The following USP9X variants were observed in gnomAD, a reference collection of about 807,000 sequenced individuals.
The protein encoded by USP9X is ubiquitin specific peptidase 9 X-linked.
USP9X carries 7 observed loss-of-function variants against 190.3 expected under a neutral mutation model. The ratio of observed to expected loss-of-function variants is 0.04; its 90% CI spans 0.02 to 0.07. The LOEUF (loss-of-function observed/expected upper bound fraction) is 0.07, where lower values mean the gene tolerates loss of function less well. Among genes scored for constraint, USP9X ranks in the 10% least tolerant of loss-of-function variants. The pLI is 1.00. For missense variants in USP9X, 1,010 were observed against 1,916.9 expected (o/e 0.53, Z 8.83); for synonymous variants, 645 against 659.5 (o/e 0.98, Z 0.34).
intron 32 of USP9X, among the ~76,000 whole-genome samples, chrX:41,209,000 G>A (rs772323443): frequency 6.3e-5 from 7 of 111,415 alleles, no homozygotes; most frequent in African/African-American, 1.6e-4. Context: ...GAGCCACCGC[G>A]CCCGGCCTTT....
chrX:41,094,201 A>C (rs1007827895), intron 1 of USP9X, among the ~76,000 whole-genome samples: 1 of 102,866 alleles, frequency 9.7e-6, no homozygotes, highest in Non-Finnish European at 2.0e-5. Flanking sequence ...TTTGAAATGG[A>C]GTTTCACTCT....
intron 1 of USP9X, among the ~76,000 whole-genome samples, chrX:41,102,539 C>G (rs1247549653): frequency 9.0e-6 from 1 of 111,670 alleles, no homozygotes; most frequent in Non-Finnish European, 1.9e-5. Context: ...ACGAGAATTG[C>G]TTGAGCCCAG....
At chrX:41,095,043 CAAAAAA>C (rs35922180) in intron 1 of USP9X, among the ~76,000 whole-genome samples, 16 of 70,812 alleles carry the variant, frequency 2.3e-4, no homozygotes, top group African/African-American at 7.7e-4. Flanking sequence ...GACTCCGTCT[CAAAAAA>C]AAAAAAAAAA....
At chrX:41,088,468 C>T (rs754231100) in intron 1 of USP9X, among the ~76,000 whole-genome samples, 2 of 112,438 alleles carry the variant, frequency 1.8e-5, no homozygotes, top group African/African-American at 6.5e-5. Flanking sequence ...CAACAAGTGT[C>T]TTTGAGCTTA....
intron 9 of USP9X, among the ~76,000 whole-genome samples, chrX:41,142,835 A>G (rs1389002566): frequency 8.9e-6 from 1 of 112,038 alleles, no homozygotes; most frequent in Non-Finnish European, 1.9e-5. Context: ...TCTTACTAGG[A>G]TTGTTTGGAA....
chrX:41,182,380 A>AC (rs1175897785), intron 21 of USP9X, among the ~76,000 whole-genome samples: 3 of 110,203 alleles, frequency 2.7e-5, no homozygotes, highest in Non-Finnish European at 5.7e-5. Flanking sequence ...AAAGAAGAAA[A>AC]AAAAATATCC....
At chrX:41,112,857 T>C (rs2062120154) in intron 1 of USP9X, among the ~76,000 whole-genome samples, 1 of 112,844 alleles carries the variant, frequency 8.9e-6, no homozygotes, top group African/African-American at 3.2e-5. Context: ...AATAATTATT[T>C]TCACTCACAT....
At chrX:41,208,224 C>T (rs2063123290) in intron 32 of USP9X, among the ~76,000 whole-genome samples, 1 of 110,970 alleles carries the variant, frequency 9.0e-6, no homozygotes, top group African/African-American at 3.3e-5. Flanking sequence ...TGGGTTTCAC[C>T]ATATTCATCA....
Position 41,129,089 on chromosome X carries a change from T to G in USP9X, c.186T>G (p.Asp62Glu), listed in dbSNP as rs1569160145. Residue 62 changes from aspartate (D) to glutamate (E), a missense_variant, in exon 3 of 45, where the codon GAT becomes GAG. By Grantham distance (45) the Asp-to-Glu change is conservative (BLOSUM62 2). Around this residue, in one of 11 missense-constraint regions of USP9X, gnomAD observed 176 missense variants for 247.5 expected, o/e 0.71. Transcript: ENST00000378308. ...GTGATGCCCCACCACAGCTTGAAGATGAGGAACCTGCATTTCCACATACTG... is the reference window on the plus strand; with the variant it reads ...GTGATGCCCCACCACAGCTTGAAGAGGAGGAACCTGCATTTCCACATACTG... ...GQGDAPPQLE[D>E]EEPAFPHTDL... 1 of 1,211,420 alleles carries G rather than the reference T, an allele frequency of 8.3e-7. No homozygotes were observed. The highest frequency in any genetic ancestry group is 2.2e-5 in the Admixed American group (1 of 45,903).
At chrX:41,089,561 C>G (rs2061938252) in intron 1 of USP9X, among the ~76,000 whole-genome samples, 1 of 111,619 alleles carries the variant, frequency 9.0e-6, no homozygotes, top group Non-Finnish European at 1.9e-5. Context: ...AAATATTACA[C>G]AACATTCCTA....
At chrX:41,156,694 T>A (rs752317951) in intron 14 of USP9X, among the ~76,000 whole-genome samples, 2 of 111,936 alleles carry the variant, frequency 1.8e-5, no homozygotes, top group East Asian at 5.6e-4. Context: ...CTGTCCTCCC[T>A]CTATCTCCTG....
intron 36 of USP9X, 75 bp from the exon 37 acceptor site, chrX:41,218,297 C>A: frequency 9.9e-7 from 1 of 1,013,205 alleles, no homozygotes; most frequent in Non-Finnish European, 1.3e-6. Flanking sequence ...TTTTTTGGTT[C>A]AATGAGACTC....
At chrX:41,137,233 T>C (rs899240193) in intron 6 of USP9X, among the ~76,000 whole-genome samples, 2 of 111,498 alleles carry the variant, frequency 1.8e-5, no homozygotes, top group African/African-American at 6.5e-5. Context: ...CCAGCCTCTT[T>C]AGAAGTAGTC....
At chrX:41,160,554 A>G (rs1008882760) in intron 14 of USP9X, among the ~76,000 whole-genome samples, 3 of 111,510 alleles carry the variant, frequency 2.7e-5, no homozygotes, top group African/African-American at 9.8e-5. Flanking sequence ...CTAGTGGGCA[A>G]AAGTTTAACA....
intron 1 of USP9X, among the ~76,000 whole-genome samples, chrX:41,089,490 TC>T (rs1339004466): frequency 8.9e-6 from 1 of 112,113 alleles, no homozygotes; most frequent in Non-Finnish European, 1.9e-5. Flanking sequence ...AATAGGTTTC[TC>T]CCCTTCCATA....
intron 1 of USP9X, among the ~76,000 whole-genome samples, chrX:41,088,377 G>A (rs1456594820): frequency 8.9e-6 from 1 of 111,891 alleles, no homozygotes; most frequent in Non-Finnish European, 1.9e-5. Context: ...TTGACATGGT[G>A]GTAATAATGC....
chrX:41,205,514 A>C, intron 32 of USP9X, 21 bp downstream of exon 32: 2 of 1,163,305 alleles, frequency 1.7e-6, no homozygotes, highest in Non-Finnish European at 2.3e-6. Flanking sequence ...GATGGACAGT[A>C]ATAGAGATAC....
chrX:41,153,821 AGAAAATACTGTATTAC>A (rs897973364), intron 14 of USP9X, among the ~76,000 whole-genome samples: 1 of 112,088 alleles, frequency 8.9e-6, no homozygotes, highest in African/African-American at 3.2e-5. Context: ...GCAGTATGTA[AGAAAATACTGTATTAC>A]GAATGTTAGT....
chrX:41,215,188 T>C (rs149813471), intron 34 of USP9X, among the ~76,000 whole-genome samples: 1,401 of 113,112 alleles, frequency 0.012, 11 homozygotes, highest in Non-Finnish European at 0.019. Flanking sequence ...AGATTTCTTT[T>C]ATCACCTATG....
Sources: gnomAD v4.1 joint callset for allele counts (sites outside exome capture counted in the v4.1 genomes callset) on GRCh38, gnomAD v4.1.1 for gene constraint, gnomAD v4.1.1 regional missense constraint, MANE v1.5 for transcripts, NCBI Gene and HGNC (gene_info 2026-07-23, HGNC 2026-07-21) for gene names.